The following PCCA variants were observed in gnomAD, a reference collection of about 807,000 sequenced individuals.
PCCA encodes propionyl-CoA carboxylase alpha chain, mitochondrial.
A neutral mutation model predicts 101.3 loss-of-function variants in PCCA; 74 were observed. The ratio of observed to expected loss-of-function variants is 0.73; its 90% CI spans 0.61 to 0.89. PCCA has a LOEUF of 0.89. Among genes scored for constraint, PCCA ranks in the 40% least tolerant of loss-of-function variants. The pLI is 0.00. For missense variants in PCCA, 891 were observed against 907.0 expected, an observed-to-expected ratio of 0.98 and a Z score of 0.23; for synonymous variants, 294 against 313.6, an observed-to-expected ratio of 0.94 and a Z score of 0.66.
intron 21 of PCCA, among the ~76,000 whole-genome samples, chr13:100,467,204 G>T (rs753734149): frequency 5.3e-5 from 8 of 152,180 alleles, no homozygotes; most frequent in East Asian, 1.9e-4. Context: ...GAGCATCTGG[G>T]TGGTTGGGAG....
intron 18 of PCCA, 111 bp downstream of exon 18, chr13:100,340,370 T>C (rs2071117794): frequency 1.4e-6 from 1 of 721,878 alleles, no homozygotes. Flanking sequence ...AGAGATCTTA[T>C]GGGTCTTTGG....
intron 7 of PCCA, among the ~76,000 whole-genome samples, chr13:100,215,824 G>A (rs1050885831): frequency 2.0e-5 from 3 of 151,918 alleles, no homozygotes; most frequent in African/African-American, 4.8e-5. Context: ...ATTTTTAGTA[G>A]AGATGAAGTT....
intron 8 of PCCA, among the ~76,000 whole-genome samples, chr13:100,248,143 C>T (rs758644343): frequency 6.6e-6 from 1 of 152,028 alleles, no homozygotes; most frequent in Non-Finnish European, 1.5e-5. Flanking sequence ...TCTATTCAGC[C>T]TGCTGGAGCT....
At chr13:100,527,640 T>C in intron 22 of PCCA, 35 bp from the exon 23 acceptor site, 1 of 1,463,614 alleles carries the variant, frequency 6.8e-7, no homozygotes, top group Non-Finnish European at 9.6e-7. Flanking sequence ...AAAATTAGAA[T>C]GCTTTTAAAA....
chr13:100,450,469 A>G (rs1159217660), intron 21 of PCCA, among the ~76,000 whole-genome samples: 1 of 151,882 alleles, frequency 6.6e-6, no homozygotes, highest in Non-Finnish European at 1.5e-5. Flanking sequence ...TTCTCCATGT[A>G]TTCATTCACC....
intron 22 of PCCA, among the ~76,000 whole-genome samples, chr13:100,526,588 C>T (rs837332): frequency 0.52 from 78,835 of 152,162 alleles, 20,978 homozygotes; most frequent in East Asian, 0.77. Context: ...AGGCATTGGA[C>T]GAATATGGCC....
At chr13:100,265,848 A>AG (rs1858416761) in intron 10 of PCCA, among the ~76,000 whole-genome samples, 1 of 151,392 alleles carries the variant, frequency 6.6e-6, no homozygotes, top group Middle Eastern at 3.4e-3. Context: ...AGAAAAAAAA[A>AG]TAAGGTGATT....
intron 7 of PCCA, among the ~76,000 whole-genome samples, chr13:100,220,426 AT>A (rs34275910): frequency 1.3e-3 from 177 of 132,490 alleles, no homozygotes; most frequent in Middle Eastern, 3.9e-3. Flanking sequence ...TGCCTGACTA[AT>A]TTTTTTTTTT....
At chr13:100,451,678 C>T (rs2081241500) in intron 21 of PCCA, among the ~76,000 whole-genome samples, 1 of 151,370 alleles carries the variant, frequency 6.6e-6, no homozygotes, top group African/African-American at 2.4e-5. Context: ...ACTTTCTCTC[C>T]TCTTCCTCTC....
intron 23 of PCCA, 142 bp downstream of exon 23, chr13:100,527,894 G>A (rs1402680838): frequency 1.4e-5 from 10 of 730,142 alleles, no homozygotes; most frequent in Non-Finnish European, 2.0e-5. Flanking sequence ...TTAGGATTGG[G>A]AGCTTTTGCC....
At chr13:100,200,815 A>T (rs1229108620) in intron 6 of PCCA, among the ~76,000 whole-genome samples, 3 of 151,972 alleles carry the variant, frequency 2.0e-5, no homozygotes, top group African/African-American at 7.2e-5. Flanking sequence ...ATATAACAAT[A>T]TAGAAGTATA....
rs1171519909 is a variant in PCCA at position 100,394,455 on chromosome 13, C to A, written c.1746+25881C>A. 2.0e-5 allele frequency among the ~76,000 whole-genome samples: 3 copies of A among 152,092 alleles called. No individual in the cohort carries two copies. The East Asian group carries it at 5.8e-4, about 29-fold the overall frequency. On this transcript the variant is annotated intron_variant, in intron 19 of 23. Coordinates refer to ENST00000376285, the MANE Select transcript of PCCA (RefSeq NM_000282.4). This position sits in a 1 kb window ranked among gnomAD's most constrained non-coding sequence, Gnocchi z 4.3. ...GTGGAATGGATCTCTGTCAGACTAT[C>A]ACAGCAGCTGTGTGTTTGCAGATTT...
At chr13:100,468,791 G>A (rs1401310425) in intron 21 of PCCA, among the ~76,000 whole-genome samples, 2 of 152,150 alleles carry the variant, frequency 1.3e-5, no homozygotes, top group East Asian at 1.9e-4. Context: ...TTGGGAGGCC[G>A]AGAGGGGCGG....
intron 19 of PCCA, among the ~76,000 whole-genome samples, chr13:100,425,054 C>T (rs568954364): frequency 2.4e-4 from 36 of 151,696 alleles, no homozygotes; most frequent in Non-Finnish European, 1.6e-4. Context: ...GATTATGGGT[C>T]TTTTTTTGCA....
chr13:100,314,438 G>A (rs1194875334), intron 16 of PCCA, among the ~76,000 whole-genome samples: 1 of 152,120 alleles, frequency 6.6e-6, no homozygotes, highest in Non-Finnish European at 1.5e-5. Context: ...TAGTGATTAA[G>A]TCATTCTTCA....
intron 16 of PCCA, among the ~76,000 whole-genome samples, chr13:100,326,246 G>GT (rs2068663792): frequency 6.6e-6 from 1 of 152,118 alleles, no homozygotes; most frequent in African/African-American, 2.4e-5. Flanking sequence ...GGGTTTTAAG[G>GT]TACGGATCTT....
chr13:100,251,943 C>T (rs1326230849), intron 8 of PCCA, among the ~76,000 whole-genome samples: 1 of 152,150 alleles, frequency 6.6e-6, no homozygotes, highest in Admixed American at 6.5e-5. Flanking sequence ...AAGAACTCCC[C>T]CCGCCATCAG....
intron 7 of PCCA, among the ~76,000 whole-genome samples, chr13:100,214,586 A>G (rs2152487278): frequency 6.6e-6 from 1 of 151,870 alleles, no homozygotes. Flanking sequence ...CACCACGCCC[A>G]ACTAATTTTT....
intron 4 of PCCA, among the ~76,000 whole-genome samples, chr13:100,131,719 T>C (rs949120795): frequency 3.3e-5 from 5 of 152,194 alleles, no homozygotes; most frequent in Non-Finnish European, 7.3e-5. Context: ...TATGGGGTTG[T>C]AGGCAGTGAC....
Sources: allele counts gnomAD v4.1 joint callset (sites outside exome capture counted in the v4.1 genomes callset), GRCh38; gene constraint gnomAD v4.1.1; non-coding constraint Gnocchi (gnomAD v3.1); transcripts MANE v1.5; gene names NCBI Gene and HGNC (gene_info 2026-07-23, HGNC 2026-07-21).